WNT7A: variants seen among roughly 807,000 people sequenced by gnomAD.
WNT7A encodes the protein protein Wnt-7a.
In WNT7A, 16 loss-of-function variants were observed where a neutral mutation model predicts 28.2. The ratio of observed to expected loss-of-function variants is 0.57; its 90% CI spans 0.38 to 0.86. The LOEUF (loss-of-function observed/expected upper bound fraction) is 0.86, where lower values mean the gene tolerates loss of function less well. Ranked by LOEUF, WNT7A falls within the 40% of genes least tolerant of loss-of-function variation. WNT7A has a pLI of 0.00. For synonymous variants in WNT7A, 190 were observed against 195.9 expected (o/e 0.97, Z 0.25); for missense variants, 411 against 489.7 (o/e 0.84, Z 1.52).
rs879895525 is a variant in WNT7A, at chr3:13,856,914, G to GAAGAAA, written c.299-2112_299-2111insTTTCTT. On this transcript the variant is annotated intron_variant, in intron 2 of 3. Transcript: ENST00000285018. ...AGAAAAAGAAGAAGAAGAAGAAGAA[G>GAAGAAA]AAGAAGAAGAAGAAGAAGAAGAAGA... Among the ~76,000 whole-genome samples, 853 of 92,352 alleles carry GAAGAAA rather than the reference G, an allele frequency of 9.2e-3. 14 individuals carry two copies. Among genetic ancestry groups the GAAGAAA allele is most frequent in the South Asian group, 0.017 (42 of 2,428 alleles). The allele number at this position is 92,352 out of a possible 152,430, so 60.6% of individuals were successfully genotyped here. A position where few individuals can be genotyped will look rare whatever the true frequency, so the allele number is the denominator to read the frequency against.
chr3:13,864,151 C>T (rs1249755644), intron 2 of WNT7A, among the ~76,000 whole-genome samples: 1 of 152,148 alleles, frequency 6.6e-6, no homozygotes, highest in Non-Finnish European at 1.5e-5. Flanking sequence ...CGGGAAATCA[C>T]CATTTCTTTG....
chr3:13,857,318 G>A (rs1694761751), intron 2 of WNT7A, among the ~76,000 whole-genome samples: 1 of 152,204 alleles, frequency 6.6e-6, no homozygotes, highest in South Asian at 2.1e-4. Context: ...GAGGTGTCAG[G>A]AGACCAGGCT....
rs202159136 is a variant in WNT7A at position 13,818,784 on chromosome 3, A to AT, written c.*159dup. 3.7e-4 allele frequency: 426 copies of AT among 1,144,846 alleles called. 4 individuals are homozygous for AT. The East Asian group carries it at 7.5e-3, about 20-fold the overall frequency. The allele number at this position is 1,144,846 out of a possible 1,614,324, so 70.9% of individuals were successfully genotyped here. On this transcript the variant is annotated 3_prime_UTR_variant, in exon 4 of 4. Transcript: ENST00000285018. ...ACAGAATAGTTGAGGGCTCTGAGAG[A>AT]TTTTTTTTCCCCCACGGATGCCTGC...
At chr3:13,825,805 G>T (rs1271084089) in intron 3 of WNT7A, among the ~76,000 whole-genome samples, 1 of 152,218 alleles carries the variant, frequency 6.6e-6, no homozygotes, top group Non-Finnish European at 1.5e-5. Flanking sequence ...GCTTTGCTGG[G>T]CCAGCATCCA....
chr3:13,842,532 C>G (rs1189201942), intron 3 of WNT7A, among the ~76,000 whole-genome samples: 1 of 152,102 alleles, frequency 6.6e-6, no homozygotes, highest in Non-Finnish European at 1.5e-5. Context: ...AGGCTGGTGG[C>G]TTGGATCATG....
intron 3 of WNT7A, among the ~76,000 whole-genome samples, chr3:13,850,625 C>T (rs1042076799): frequency 3.3e-5 from 5 of 152,120 alleles, no homozygotes; most frequent in Non-Finnish European, 7.4e-5. Flanking sequence ...ATCCCCAGGG[C>T]TGCCTCTCCT....
At chr3:13,855,349 A>C (rs13059544) in intron 2 of WNT7A, among the ~76,000 whole-genome samples, 67,936 of 150,540 alleles carry the variant, frequency 0.45, 18,489 homozygotes, top group East Asian at 0.83. Flanking sequence ...ATCATTGGTA[A>C]CTTTCTCATG....
At chr3:13,858,428 G>C (rs1478829135) in intron 2 of WNT7A, among the ~76,000 whole-genome samples, 1 of 152,190 alleles carries the variant, frequency 6.6e-6, no homozygotes, top group Non-Finnish European at 1.5e-5. Flanking sequence ...GACCGTCCCT[G>C]GGTCTCTCAG....
chr3:13,867,607 A>C (rs1226899457), intron 2 of WNT7A, among the ~76,000 whole-genome samples: 1 of 152,138 alleles, frequency 6.6e-6, no homozygotes, highest in African/African-American at 2.4e-5. Context: ...GTGAAAAGAT[A>C]CAAGATAGAG....
At position 13,816,725 on chromosome 3, in the gene WNT7A, C is replaced by T. The variant is rs1694009186; in HGVS notation, c.*2219G>A. The T allele has an allele frequency of 2.0e-5, 3 of 152,154 alleles. No homozygotes were observed. The highest frequency in any genetic ancestry group is 4.1e-4 in the South Asian group (2 of 4,824). 9.4% of individuals were successfully genotyped at this position (152,154 alleles called of 1,614,324 possible). A position where few individuals can be genotyped will look rare whatever the true frequency, so the allele number is the denominator to read the frequency against. Reference sequence around the variant, plus strand: ...CCCACCCACTTTCCTAGCTATTCATCCATTCATCCGCTCACTTATCAATCC... The same window carrying T: ...CCCACCCACTTTCCTAGCTATTCATTCATTCATCCGCTCACTTATCAATCC... On this transcript the variant is annotated 3_prime_UTR_variant, in exon 4 of 4. Coordinates refer to ENST00000285018, the MANE Select transcript of WNT7A (RefSeq NM_004625.4).
At chr3:13,875,790 A>G (rs944229642) in intron 1 of WNT7A, 2 of 157,580 alleles carry the variant, frequency 1.3e-5, no homozygotes, top group African/African-American at 4.8e-5. Flanking sequence ...GAGTACATGT[A>G]TCCCACTCCG....
chr3:13,844,246 C>T (rs1694504403), intron 3 of WNT7A, among the ~76,000 whole-genome samples: 1 of 152,172 alleles, frequency 6.6e-6, no homozygotes, highest in African/African-American at 2.4e-5. Context: ...CTGCTCTGTG[C>T]CTTCAGTTTT....
At chr3:13,849,111 A>C (rs1694588547) in intron 3 of WNT7A, among the ~76,000 whole-genome samples, 1 of 152,206 alleles carries the variant, frequency 6.6e-6, no homozygotes, top group African/African-American at 2.4e-5. Context: ...AGAAGTGGCT[A>C]TACAAGGGCA....
Position 13,816,361 on chromosome 3 carries a change from A to G in WNT7A, c.*2583T>C, listed in dbSNP as rs1124479. 38,095 of 152,122 alleles carry G rather than the reference A, an allele frequency of 0.25. 4,928 individuals carry two copies. Among genetic ancestry groups the G allele is most frequent in the Middle Eastern group, 0.34 (99 of 294 alleles). 9.4% of individuals were successfully genotyped at this position (152,122 alleles called of 1,614,324 possible). ...GTTATTCTGATTTCACAGGTGGAGA[A>G]ACTGGGGCTCAGAGCACAGCTGAAC... On this transcript the variant is annotated 3_prime_UTR_variant, in exon 4 of 4. Transcript: ENST00000285018.
chr3:13,854,737 G>T lies in WNT7A; in HGVS notation c.365C>A (p.Ala122Asp). The stretch of plus-strand genomic sequence containing the variant: ...GTCGCTCAGGTTGCCCTGGGTACAG[G>T]CAGCTGTGATGGCGTGGGCCACGCC... Reference protein sequence around the residue: ...AAGVAHAITAACTQGNLSDCG... With the variant: ...AAGVAHAITADCTQGNLSDCG... Residue 122 changes from alanine to aspartate, a missense_variant, in exon 3 of 4, where the codon GCC (alanine) becomes GAC (aspartate). Transcript: ENST00000285018. The T allele has an allele frequency of 6.2e-7, 1 of 1,614,030 alleles. No homozygotes were observed. Among genetic ancestry groups the T allele is most frequent in the Non-Finnish European group, 8.5e-7 (1 of 1,180,042 alleles).
intron 1 of WNT7A, among the ~76,000 whole-genome samples, chr3:13,878,103 C>A (rs1464901164): frequency 6.6e-6 from 1 of 152,206 alleles, no homozygotes; most frequent in African/African-American, 2.4e-5. Context: ...GGCGGAAAGC[C>A]AGCGCCCTGC....
At chr3:13,829,042 C>T (rs906505044) in intron 3 of WNT7A, among the ~76,000 whole-genome samples, 8 of 152,054 alleles carry the variant, frequency 5.3e-5, no homozygotes, top group African/African-American at 1.2e-4. Flanking sequence ...CATAACACAT[C>T]GCCTGAAAAA....
intron 2 of WNT7A, among the ~76,000 whole-genome samples, chr3:13,873,163 T>C (rs1248740265): frequency 2.6e-5 from 4 of 151,970 alleles, no homozygotes; most frequent in Non-Finnish European, 5.9e-5. Flanking sequence ...ACAGTCCCAT[T>C]CTCTCTCTGG....
chr3:13,866,837 G>C (rs146553210), intron 2 of WNT7A, among the ~76,000 whole-genome samples: 25 of 152,332 alleles, frequency 1.6e-4, no homozygotes, highest in Non-Finnish European at 2.6e-4. Flanking sequence ...GGCTGCGTGG[G>C]TTGCAGGATG....
Sources: gnomAD v4.1 joint callset for allele counts (sites outside exome capture counted in the v4.1 genomes callset) on GRCh38, gnomAD v4.1.1 for gene constraint, MANE v1.5 for transcripts, NCBI Gene and HGNC (gene_info 2026-07-23, HGNC 2026-07-21) for gene names.